DNAJB13: variants seen among roughly 807,000 people sequenced by gnomAD.
DNAJB13 encodes DnaJ heat shock protein family (Hsp40) member B13, also known as dnaJ homolog subfamily B member 13.
Under a neutral mutation model 35.6 loss-of-function variants are expected in DNAJB13, and 22 were observed. The ratio of observed to expected loss-of-function variants is 0.62; its 90% confidence interval spans 0.44 to 0.88. DNAJB13 has a LOEUF of 0.88. DNAJB13 is among the 40% of genes least tolerant of loss of function. The pLI is 0.00. For missense variants in DNAJB13, 370 were observed against 384.3 expected (o/e 0.96, Z 0.31); for synonymous variants, 136 against 144.2 (o/e 0.94, Z 0.41).
intron 2 of DNAJB13, 74 bp from the exon 3 acceptor site, chr11:73,959,420 G>A (rs1047004177): frequency 2.2e-5 from 33 of 1,529,952 alleles, no homozygotes; most frequent in East Asian, 1.2e-4. Context: ...CTCCATATCC[G>A]CCTGCTTCCC....
In DNAJB13 at chr11:73,964,938, G is replaced by T. The variant is rs1394566814; in HGVS notation, c.395G>T (p.Gly132Val). The T allele has an allele frequency of 1.9e-6, 3 of 1,613,432 alleles. No homozygotes were observed. The Admixed American group carries it at 5.0e-5, about 27-fold the overall frequency. ...AACTTTGGGGGGCTCCAGGGCCGAG[G>T]GGTCAAGAAGCAGGACCCCCAAGTC... ...DLNFGGLQGR[G>V]VKKQDPQVER... The change falls in exon 4 of 8, where the codon GGG becomes GTG. Residue 132 changes from glycine (G) to valine (V), a missense_variant. Physicochemically the swap from Gly to Val is moderately radical, Grantham distance 109. Transcript: ENST00000339764.
chr11:73,964,823 G>GCCCCCGCGCGCT (rs762920647), intron 3 of DNAJB13, 55 bp from the exon 4 acceptor site: 1 of 1,473,054 alleles, frequency 6.8e-7, no homozygotes, highest in Admixed American at 1.8e-5. Flanking sequence ...GCGCGCGCGC[G>GCCCCCGCGCGCT]CATGTCTGGG....
rs1565170665 is a variant in DNAJB13 at position 73,958,428 on chromosome 11, GGT to G, written c.172+12_172+13del. 1 of 1,613,394 alleles carries G rather than the reference GGT, an allele frequency of 6.2e-7. No homozygotes were observed. Reference sequence around the variant, plus strand: ...ACGACGTGCTGAGTGACCGTGAGTAGGTGTGGGGCTGAGCACCCCGCTTGATT... The same window carrying G: ...ACGACGTGCTGAGTGACCGTGAGTAGGTGGGGCTGAGCACCCCGCTTGATT... On this transcript the variant is annotated intron_variant, in intron 2 of 7. Coordinates refer to ENST00000339764, the MANE Select transcript of DNAJB13 (RefSeq NM_153614.4).
At chr11:73,957,178 G>A (rs991828305) in intron 1 of DNAJB13, among the ~76,000 whole-genome samples, 5 of 152,214 alleles carry the variant, frequency 3.3e-5, no homozygotes, top group African/African-American at 1.2e-4. Context: ...ACATGGAGCC[G>A]GCCCAGGGGA....
At chr11:73,963,212 G>A (rs1445271330) in intron 3 of DNAJB13, among the ~76,000 whole-genome samples, 1 of 151,996 alleles carries the variant, frequency 6.6e-6, no homozygotes, top group African/African-American at 2.4e-5. Context: ...AGGCACAGTG[G>A]TGCATGCCTG....
chr11:73,970,204 T>C lies in DNAJB13; in HGVS notation c.*90T>C. Reference sequence around the variant, plus strand: ...CAGCCTCAGGGTGTGCAGGGGAGCCTGCTGCACAGATATGATACAAGGGTG... The same window carrying C: ...CAGCCTCAGGGTGTGCAGGGGAGCCCGCTGCACAGATATGATACAAGGGTG... On this transcript the variant is annotated 3_prime_UTR_variant, in exon 8 of 8. Coordinates refer to ENST00000339764, the MANE Select transcript of DNAJB13 (RefSeq NM_153614.4). 1 of 1,466,496 alleles carries C rather than the reference T, an allele frequency of 6.8e-7. No homozygotes were observed. The highest frequency in any genetic ancestry group is 9.1e-7 in the Non-Finnish European group (1 of 1,098,560). 90.8% of individuals were successfully genotyped at this position (1,466,496 alleles called of 1,614,324 possible). A position where few individuals can be genotyped will look rare whatever the true frequency, so the allele number is the denominator to read the frequency against.
intron 1 of DNAJB13, 92 bp downstream of exon 1, chr11:73,951,229 G>T: frequency 6.8e-7 from 1 of 1,471,618 alleles, no homozygotes; most frequent in Non-Finnish European, 9.4e-7. Context: ...ACAGCTTAGC[G>T]CAGACAAGGT....
rs542563304 is a variant in DNAJB13, at chr11:73,963,067, T to G, written c.335-1811T>G. ...TCGGCCGGGCATGGTGGCTCACACC[T>G]GTAATCCCAGCACTTCAGGAGGCTG... On this transcript the variant is annotated intron_variant, in intron 3 of 7. Coordinates refer to ENST00000339764, the MANE Select transcript of DNAJB13 (RefSeq NM_153614.4). 2.3e-3 allele frequency among the ~76,000 whole-genome samples: 355 copies of G among 152,328 alleles called. 3 individuals carry two copies. The highest frequency in any genetic ancestry group is 8.3e-3 in the African/African-American group (346 of 41,568).
chr11:73,966,110 C>T (rs753267439), intron 4 of DNAJB13, 28 bp from the exon 5 acceptor site: 4 of 1,597,766 alleles, frequency 2.5e-6, no homozygotes, highest in Non-Finnish European at 3.4e-6. Context: ...CCTAAGCAGA[C>T]CTCCCCACAC....
intron 1 of DNAJB13, among the ~76,000 whole-genome samples, chr11:73,954,029 A>ATTATTAT (rs1565166802): frequency 1.4e-5 from 2 of 141,810 alleles, no homozygotes; most frequent in African/African-American, 2.8e-5. Flanking sequence ...AATAATAATA[A>ATTATTAT]TAATAATAAT....
At chr11:73,958,851 G>T (rs1031606249) in intron 2 of DNAJB13, among the ~76,000 whole-genome samples, 3 of 152,208 alleles carry the variant, frequency 2.0e-5, no homozygotes, top group Non-Finnish European at 2.9e-5. Flanking sequence ...ACAGTAGGAA[G>T]AGGCAGAGAA....
rs1316541397 is a variant in DNAJB13, at chr11:73,966,237, A to G, written c.592A>G (p.Lys198Glu). The G allele has an allele frequency of 6.2e-7, 1 of 1,612,864 alleles. No homozygotes were observed. The highest frequency in any genetic ancestry group is 1.3e-5 in the African/African-American group (1 of 74,978). ...WRQGTRITFE[K>E]EGDQGPNIIP... ...GCAGGGCACACGCATCACCTTTGAG[A>G]AGGAAGGGGACCAGGTGAGGGGGGA... Residue 198 changes from lysine to glutamate, a missense_variant, in exon 5 of 8, where the codon AAG (lysine) becomes GAG (glutamate). By Grantham distance (56) the Lys-to-Glu change is moderately conservative. Coordinates refer to ENST00000339764, the MANE Select transcript of DNAJB13 (RefSeq NM_153614.4).
chr11:73,968,139 G>C, intron 5 of DNAJB13: 1 of 601,030 alleles, frequency 1.7e-6, no homozygotes, highest in Non-Finnish European at 3.0e-6. Context: ...CAGTACAGAA[G>C]TAATTCTGGG....
At chr11:73,964,696 G>A in intron 3 of DNAJB13, 182 bp from the exon 4 acceptor site, 1 of 652,970 alleles carries the variant, frequency 1.5e-6, no homozygotes, top group Non-Finnish European at 2.6e-6. Context: ...CAGTCTGAGA[G>A]GTGGTTATAG....
At chr11:73,961,203 C>T (rs1367499076) in intron 3 of DNAJB13, among the ~76,000 whole-genome samples, 2 of 152,060 alleles carry the variant, frequency 1.3e-5, no homozygotes, top group Admixed American at 6.6e-5. Context: ...TCGCCTGAGC[C>T]CAGGAGGTTG....
At chr11:73,968,510 C>A in intron 6 of DNAJB13, 52 bp downstream of exon 6, 1 of 1,493,854 alleles carries the variant, frequency 6.7e-7, no homozygotes, top group Non-Finnish European at 9.2e-7. Flanking sequence ...GTGAGCCCTG[C>A]CTGCCCCGGC....
At chr11:73,953,898 G>T (rs941162623) in intron 1 of DNAJB13, among the ~76,000 whole-genome samples, 3 of 151,740 alleles carry the variant, frequency 2.0e-5, no homozygotes, top group Non-Finnish European at 1.5e-5. Flanking sequence ...TGAGGCAGGA[G>T]AATGGCGTGA....
chr11:73,954,345 A>G (rs2135277714), intron 1 of DNAJB13, among the ~76,000 whole-genome samples: 1 of 142,892 alleles, frequency 7.0e-6, no homozygotes, highest in East Asian at 2.1e-4. Context: ...AATAAAAAAA[A>G]GTAGGCCGGG....
At position 73,965,009 on chromosome 11, in the gene DNAJB13, A is replaced by G. The variant is rs1371327065; in HGVS notation, c.466A>G (p.Thr156Ala). 13 of 1,596,228 alleles carry G rather than the reference A, an allele frequency of 8.1e-6. No homozygotes were observed. The highest frequency in any genetic ancestry group is 1.1e-5 in the South Asian group (1 of 88,990). Residue 156 changes from threonine to alanine, a missense_variant, in exon 4 of 8, where the codon ACC becomes GCC. Physicochemically the swap from Thr to Ala is moderately conservative, Grantham distance 58 (BLOSUM62 0). Transcript: ENST00000339764. The stretch of plus-strand genomic sequence containing the variant: ...CCTGGAGGACTTATTCTTTGGCTGC[A>G]CCAAAAAAATTAAGATCTCCAGAAG... Reference protein sequence around the residue: ...LSLEDLFFGCTKKIKISRRVL... With the variant: ...LSLEDLFFGCAKKIKISRRVL...
Sources: allele counts gnomAD v4.1 joint callset (sites outside exome capture counted in the v4.1 genomes callset), GRCh38; gene constraint gnomAD v4.1.1; transcripts MANE v1.5; gene names NCBI Gene and HGNC (gene_info 2026-07-23, HGNC 2026-07-21).